Variants in ZNF816 observed in about 807,000 individuals in gnomAD.
The protein encoded by ZNF816 is zinc finger protein 816A.
A neutral mutation model predicts 8.3 loss-of-function variants in ZNF816; 11 were observed. The observed-to-expected ratio is 1.32, with a 90% CI of 0.83 to 2.19. ZNF816 has a LOEUF of 2.19. Ranked by LOEUF, ZNF816 falls within the 30% of genes most tolerant of loss-of-function variation. ZNF816 has a pLI of 0.00. For synonymous variants in ZNF816, 255 were observed against 254.5 expected (o/e 1.00, Z -0.02); for missense variants, 710 against 779.3 (o/e 0.91, Z 1.06).
rs1313348551 is a variant in ZNF816 at position 52,950,831 on chromosome 19, C to T, written c.944G>A (p.Cys315Tyr). 4 of 1,613,986 alleles carry T rather than the reference C, an allele frequency of 2.5e-6. No homozygotes were observed. The highest frequency in any genetic ancestry group is 2.2e-5 in the South Asian group (2 of 91,092). ...RLHTGEKPYK[C>Y]NECGKTFSEK... ...ACTGAAGGTCTTGCCACACTCATTA[C>T]ACTTGTAAGGTTTCTCTCCAGTATG... The change falls in exon 4 of 4, where the codon TGT becomes TAT. Residue 315 changes from cysteine (C) to tyrosine (Y), a missense_variant. Cys to Tyr is a radical substitution (Grantham distance 194). Coordinates refer to ENST00000444460, the MANE Select transcript of ZNF816 (RefSeq NM_001202457.3).
Position 52,950,126 on chromosome 19 carries a change from G to C in ZNF816, c.1649C>G (p.Ser550Ter), listed in dbSNP as rs1568435200. 1 of 1,614,072 alleles carries C rather than the reference G, an allele frequency of 6.2e-7. No individual in the cohort carries two copies. Among genetic ancestry groups the C allele is most frequent in the Non-Finnish European group, 8.5e-7 (1 of 1,179,988 alleles). ...AACTCTCGTATGGTTTGCAAGGCAT[G>C]AATCACTCCGGAAAGCCTTGTCACA... is the stretch of plus-strand genomic sequence containing the variant. Reference protein sequence around the residue: ...KVCDKAFRSDSCLANHTRVHT... With the variant: ...KVCDKAFRSD The change falls in exon 4 of 4, where the codon TCA becomes TGA. Residue 550 changes from serine to a stop codon, truncating the protein, a stop_gained. Coordinates refer to ENST00000444460, the MANE Select transcript of ZNF816 (RefSeq NM_001202457.3). LOFTEE classifies it low-confidence loss of function (END_TRUNC).
chr19:52,950,110 A>G lies in ZNF816; in HGVS notation c.1665T>C (p.His555=), dbSNP rs1743196897. 6.2e-6 allele frequency: 10 copies of G among 1,614,116 alleles called. No individual in the cohort carries two copies. Among genetic ancestry groups the G allele is most frequent in the Admixed American group, 5.0e-5 (3 of 60,026 alleles). ...GTTTCTCTCCAGTATGAACTCTCGTATGGTTTGCAAGGCATGAATCACTCC... is the reference window on the plus strand; with the variant it reads ...GTTTCTCTCCAGTATGAACTCTCGTGTGGTTTGCAAGGCATGAATCACTCC... The part of the protein sequence containing the change: ...AFRSDSCLAN[H]TRVHTGEKPY... Residue 555 remains histidine, a synonymous_variant, in exon 4 of 4, where the codon CAT becomes CAC. Coordinates refer to ENST00000444460, the MANE Select transcript of ZNF816 (RefSeq NM_001202457.3).
chr19:52,951,822 C>T, intron 3 of ZNF816: 1 of 485,696 alleles, frequency 2.1e-6, no homozygotes, highest in South Asian at 4.6e-5. Flanking sequence ...TGCTTGAAGC[C>T]AGGAGGCAGA....
intron 3 of ZNF816, 119 bp downstream of exon 3, chr19:52,952,632 A>G (rs781208367): frequency 5.1e-6 from 8 of 1,557,822 alleles, no homozygotes; most frequent in Non-Finnish European, 6.9e-6. Context: ...ACCGCAGAAA[A>G]CAATGACATG....
rs1367657908 is a variant in ZNF816 at position 52,952,568 on chromosome 19, C to T, written c.190+183G>A. 7 of 1,167,788 alleles carry T rather than the reference C, an allele frequency of 6.0e-6. No homozygotes were observed. The East Asian group carries it at 1.7e-4, about 29-fold the overall frequency. 72.3% of individuals were successfully genotyped at this position (1,167,788 alleles called of 1,614,324 possible). On this transcript the variant is annotated intron_variant, in intron 3 of 3. Transcript: ENST00000444460. ...GTGAATTTTCTGTTTTTATGTAAAA[C>T]CACTCCAAAGAAGAGTCTCTAAGAA... is the stretch of plus-strand genomic sequence containing the variant.
intron 2 of ZNF816, among the ~76,000 whole-genome samples, chr19:52,955,455 G>A (rs1041446477): frequency 6.6e-6 from 1 of 152,186 alleles, no homozygotes; most frequent in East Asian, 1.9e-4. Flanking sequence ...CCAGGAGTTC[G>A]AGGCTGCTGT....
Position 52,950,065 on chromosome 19 carries a change from A to G in ZNF816, c.1710T>C (p.Cys570=), listed in dbSNP as rs1764238170. The part of the protein sequence containing the change: ...TGEKPYKCNK[C]AKVFNQKGIL... ...TTCCTTTTTGATTAAAAACCTTCGCACATTTATTACACTTGTAAGGTTTCT... is the reference window on the plus strand; with the variant it reads ...TTCCTTTTTGATTAAAAACCTTCGCGCATTTATTACACTTGTAAGGTTTCT... The change falls in exon 4 of 4, where the codon TGT becomes TGC. Residue 570 remains cysteine, a synonymous_variant. Transcript: ENST00000444460. The G allele has an allele frequency of 6.2e-7, 1 of 1,613,916 alleles. No individual in the cohort carries two copies. The highest frequency in any genetic ancestry group is 1.7e-5 in the Admixed American group (1 of 60,000).
At chr19:52,958,818 C>T (rs759775795) in intron 1 of ZNF816, among the ~76,000 whole-genome samples, 3 of 152,120 alleles carry the variant, frequency 2.0e-5, no homozygotes, top group Non-Finnish European at 4.4e-5. Flanking sequence ...TTCTGCAGAC[C>T]GTGGATCCCA....
chr19:52,954,085 T>A (rs1245902728), intron 2 of ZNF816, among the ~76,000 whole-genome samples: 1 of 151,348 alleles, frequency 6.6e-6, no homozygotes. Flanking sequence ...AATAATGTAT[T>A]TTCTACATAA....
chr19:52,951,297 A>G lies in ZNF816; in HGVS notation c.478T>C (p.Phe160Leu). 3 of 1,614,180 alleles carry G rather than the reference A, an allele frequency of 1.9e-6. No homozygotes were observed. In the East Asian group the frequency reaches 6.7e-5, roughly 36 times the overall value. The change falls in exon 4 of 4, where the codon TTT becomes CTT. Residue 160 changes from phenylalanine to leucine, a missense_variant. Phe to Leu is a conservative substitution (Grantham distance 22, BLOSUM62 0). Transcript: ENST00000444460. ...TGGAGTTCAGGCAGATGCGAATGAA[A>G]GCTTAATCCAAGCTGATCTTTAATA... Reference protein sequence around the residue: ...KPIKDQLGLSFHSHLPELHMF... With the variant: ...KPIKDQLGLSLHSHLPELHMF...
At chr19:52,956,382 A>G (rs1443983631) in intron 1 of ZNF816, 13 of 287,116 alleles carry the variant, frequency 4.5e-5, no homozygotes, top group Non-Finnish European at 4.6e-5. Context: ...ACCAAACTCC[A>G]TGCAGAGCAC....
rs754769932 is a variant in ZNF816, at chr19:52,949,788, T to C, written c.*31A>G. On this transcript the variant is annotated 3_prime_UTR_variant, in exon 4 of 4. Coordinates refer to ENST00000444460, the MANE Select transcript of ZNF816 (RefSeq NM_001202457.3). ...GGATTCTGTAATGATTTGCAATGGT[T>C]GTAGCATTACTGAAGACTTTGTGAC... 97 of 1,613,044 alleles carry C rather than the reference T, an allele frequency of 6.0e-5. No homozygotes were observed. The highest frequency in any genetic ancestry group is 7.9e-5 in the Non-Finnish European group (93 of 1,179,394).
chr19:52,952,497 T>C (rs2083467978), intron 3 of ZNF816: 2 of 583,466 alleles, frequency 3.4e-6, no homozygotes, highest in African/African-American at 3.9e-5. Flanking sequence ...CAGGGACATC[T>C]CTTCCTAGAG....
rs61740548 is a variant in ZNF816 at position 52,950,007 on chromosome 19, C to G, written c.1768G>C (p.Glu590Gln). ...LAQHQRVHTG[E>Q]KPYKCNECGK... The stretch of plus-strand genomic sequence containing the variant: ...CATTCATTACACTTGTAAGGTTTCT[C>G]TCCAGTATGAACTCTCTGATGTTGT... Residue 590 changes from glutamate (E) to glutamine (Q), a missense_variant, in exon 4 of 4, where the codon GAG becomes CAG. Coordinates refer to ENST00000444460, the MANE Select transcript of ZNF816 (RefSeq NM_001202457.3). The G allele has an allele frequency of 2.1e-3, 3,327 of 1,614,022 alleles. 41 individuals are homozygous for G. Among genetic ancestry groups the G allele is most frequent in the Admixed American group, 0.014 (852 of 59,996 alleles).
At chr19:52,953,247 AC>A in intron 2 of ZNF816, 2 of 269,460 alleles carry the variant, frequency 7.4e-6, no homozygotes, top group South Asian at 3.0e-5. Flanking sequence ...CAAAAAAAAA[AC>A]CAGGTGTGGT....
chr19:52,958,635 G>C (rs187298077), intron 1 of ZNF816, among the ~76,000 whole-genome samples: 1 of 152,142 alleles, frequency 6.6e-6, no homozygotes, highest in Non-Finnish European at 1.5e-5. Flanking sequence ...GAGGACTATA[G>C]GTATAAGTTG....
At chr19:52,956,887 A>G (rs1426041085) in intron 1 of ZNF816, among the ~76,000 whole-genome samples, 1 of 152,186 alleles carries the variant, frequency 6.6e-6, no homozygotes, top group African/African-American at 2.4e-5. Flanking sequence ...GTTAAAAATA[A>G]TAATAATACC....
chr19:52,961,500 A>C (rs2083556577), intron 1 of ZNF816, among the ~76,000 whole-genome samples: 1 of 152,018 alleles, frequency 6.6e-6, no homozygotes, highest in Non-Finnish European at 1.5e-5. Context: ...GTTCACTTTC[A>C]AAAAAAAGAA....
At chr19:52,958,912 G>C (rs952455022) in intron 1 of ZNF816, among the ~76,000 whole-genome samples, 2 of 152,174 alleles carry the variant, frequency 1.3e-5, no homozygotes, top group African/African-American at 4.8e-5. Flanking sequence ...CCCAACAACA[G>C]CAAGCCTTTC....
Sources: allele counts gnomAD v4.1 joint callset (sites outside exome capture counted in the v4.1 genomes callset), GRCh38; gene constraint gnomAD v4.1.1; transcripts MANE v1.5; gene names NCBI Gene and HGNC (gene_info 2026-07-23, HGNC 2026-07-21).